Variants in SNX29 observed in about 807,000 individuals in gnomAD.
SNX29 encodes the protein sorting nexin 29.
Under a neutral mutation model 102.1 loss-of-function variants are expected in SNX29, and 78 were observed. That is an observed-to-expected ratio of 0.76 (90% confidence interval 0.64 to 0.92). The LOEUF (loss-of-function observed/expected upper bound fraction) is 0.92. Among genes scored for constraint, SNX29 ranks in the 40% least tolerant of loss-of-function variants. SNX29 has a pLI of 0.00. For missense variants in SNX29, 1,280 were observed against 1,061.7 expected, an observed-to-expected ratio of 1.21 and a Z score of -2.86; for synonymous variants, 580 against 414.5, an observed-to-expected ratio of 1.40 and a Z score of -4.85.
At chr16:12,292,426 G>A (rs780191222) in intron 15 of SNX29, among the ~76,000 whole-genome samples, 1 of 152,172 alleles carries the variant, frequency 6.6e-6, no homozygotes, top group Non-Finnish European at 1.5e-5. Flanking sequence ...CCCTAACACA[G>A]GTGCATGTGG....
At chr16:12,192,356 G>GGC (rs2076663848) in intron 13 of SNX29, among the ~76,000 whole-genome samples, 1 of 152,104 alleles carries the variant, frequency 6.6e-6, no homozygotes, top group Admixed American at 6.5e-5. Context: ...CCATGTGCAC[G>GGC]GCTACCTCTT....
At chr16:12,513,163 C>T (rs1274013832) in intron 19 of SNX29, among the ~76,000 whole-genome samples, 1 of 150,838 alleles carries the variant, frequency 6.6e-6, no homozygotes, top group African/African-American at 2.4e-5. Context: ...CTCTGAACTC[C>T]TCTCCCCTCC....
At chr16:12,497,727 A>G (rs2088901416) in intron 19 of SNX29, among the ~76,000 whole-genome samples, 1 of 152,078 alleles carries the variant, frequency 6.6e-6, no homozygotes. Context: ...CACCTCTCTC[A>G]AGGCAAAGAT....
intron 11 of SNX29, among the ~76,000 whole-genome samples, chr16:12,117,245 C>T (rs1042007219): frequency 7.3e-4 from 104 of 142,662 alleles, no homozygotes; most frequent in African/African-American, 2.4e-3. Flanking sequence ...TCAATGCGGA[C>T]GAACCGTGGA....
At chr16:12,514,108 C>T (rs183647160) in intron 19 of SNX29, among the ~76,000 whole-genome samples, 66 of 152,348 alleles carry the variant, frequency 4.3e-4, no homozygotes, top group Admixed American at 3.5e-3. Context: ...ATGAGTTCCA[C>T]ACCTCCCAGC....
At chr16:12,446,014 C>T (rs1394263411) in intron 18 of SNX29, among the ~76,000 whole-genome samples, 3 of 151,414 alleles carry the variant, frequency 2.0e-5, no homozygotes, top group Non-Finnish European at 4.4e-5. Flanking sequence ...CATGCAGCTC[C>T]TGGACGTGCA....
intron 19 of SNX29, among the ~76,000 whole-genome samples, chr16:12,485,257 C>G (rs1257588075): frequency 6.6e-6 from 1 of 152,104 alleles, no homozygotes; most frequent in Non-Finnish European, 1.5e-5. Context: ...AGCTGCCTGT[C>G]CAAATGGGCT....
intron 18 of SNX29, among the ~76,000 whole-genome samples, chr16:12,456,029 A>G (rs1312274707): frequency 6.6e-6 from 1 of 152,170 alleles, no homozygotes; most frequent in Admixed American, 6.5e-5. Flanking sequence ...TTGCAAGTAA[A>G]TGTTCAGGTG....
chr16:12,326,329 C>CT (rs35321885), intron 15 of SNX29, among the ~76,000 whole-genome samples: 9,627 of 141,458 alleles, frequency 0.068, 951 homozygotes, highest in African/African-American at 0.21. Context: ...GCTTTTTTGT[C>CT]TTTTTTTTTT....
intron 13 of SNX29, 149 bp downstream of exon 13, chr16:12,129,907 A>T (rs2054382306): frequency 1.0e-6 from 1 of 956,932 alleles, no homozygotes. Flanking sequence ...GATCGAGACC[A>T]TCCTGGCTAA....
Position 12,524,729 on chromosome 16 carries a change from A to G in SNX29, c.2206A>G (p.Lys736Glu), listed in dbSNP as rs752270246. ...KDAKFVEERRKQLQNYLRSVM... is the reference protein window; with the variant it reads ...KDAKFVEERREQLQNYLRSVM... ...TGCCAAGTTTGTGGAGGAACGGAGA[A>G]AGCAGCTCCAGAATTACCTGCGCAG... The change falls in exon 20 of 21, where the codon AAG becomes GAG. Residue 736 changes from lysine (K) to glutamate (E), a missense_variant. By Grantham distance (56) the Lys-to-Glu change is moderately conservative. Coordinates refer to ENST00000566228, the MANE Select transcript of SNX29 (RefSeq NM_032167.5). 1.2e-6 allele frequency: 2 copies of G among 1,613,534 alleles called. No individual in the cohort carries two copies. Among genetic ancestry groups the G allele is most frequent in the Non-Finnish European group, 1.7e-6 (2 of 1,179,740 alleles).
chr16:12,482,334 C>CTG (rs2087985688), intron 19 of SNX29, among the ~76,000 whole-genome samples: 2 of 151,874 alleles, frequency 1.3e-5, no homozygotes, highest in African/African-American at 4.8e-5. Flanking sequence ...CAGAGTCCTG[C>CTG]TGTGTCACCC....
chr16:12,424,455 C>T (rs1412975616), intron 18 of SNX29, among the ~76,000 whole-genome samples: 1 of 152,130 alleles, frequency 6.6e-6, no homozygotes, highest in Non-Finnish European at 1.5e-5. Flanking sequence ...AATATTCTGT[C>T]TTAGGGCCCT....
chr16:12,077,073 A>C (rs1016517095), intron 10 of SNX29, among the ~76,000 whole-genome samples: 1 of 152,170 alleles, frequency 6.6e-6, no homozygotes, highest in African/African-American at 2.4e-5. Flanking sequence ...CGGGAGTTCA[A>C]CACCACCAGT....
intron 20 of SNX29, among the ~76,000 whole-genome samples, chr16:12,553,357 C>T (rs888309561): frequency 2.6e-5 from 4 of 152,226 alleles, no homozygotes; most frequent in East Asian, 3.8e-4. Context: ...CTCGTCTTCT[C>T]AGAGCTTGCC....
At chr16:12,499,723 G>C (rs1344129521) in intron 19 of SNX29, among the ~76,000 whole-genome samples, 4 of 152,166 alleles carry the variant, frequency 2.6e-5, no homozygotes, top group African/African-American at 4.8e-5. Flanking sequence ...GCCCAGGCTG[G>C]AGTTCGGTGG....
At chr16:12,544,749 G>A (rs1415585203) in intron 20 of SNX29, among the ~76,000 whole-genome samples, 1 of 152,306 alleles carries the variant, frequency 6.6e-6, no homozygotes, top group African/African-American at 2.4e-5. Flanking sequence ...AGAGGTGAAG[G>A]GACGTGCTCT....
chr16:12,109,355 C>T (rs1348583634), intron 11 of SNX29, among the ~76,000 whole-genome samples: 1 of 151,848 alleles, frequency 6.6e-6, no homozygotes, highest in African/African-American at 2.4e-5. Flanking sequence ...AAAAATGGGC[C>T]CACTCCCGTG....
At chr16:12,310,808 A>T (rs1188180334) in intron 15 of SNX29, among the ~76,000 whole-genome samples, 1 of 152,228 alleles carries the variant, frequency 6.6e-6, no homozygotes, top group Non-Finnish European at 1.5e-5. Flanking sequence ...AGCTTAAAAA[A>T]AAAATAAAGG....
Sources: allele counts gnomAD v4.1 joint callset (sites outside exome capture counted in the v4.1 genomes callset), GRCh38; gene constraint gnomAD v4.1.1; transcripts MANE v1.5; gene names NCBI Gene and HGNC (gene_info 2026-07-23, HGNC 2026-07-21).